Variants in PARD3B observed in about 807,000 individuals in gnomAD.
PARD3B encodes par-3 family cell polarity regulator beta, also known as partitioning defective 3 homolog B.
PARD3B carries 103 observed loss-of-function variants against 130.2 expected under a neutral mutation model. The observed-to-expected ratio is 0.79, with a 90% CI of 0.67 to 0.93. The LOEUF is 0.93. Among genes scored for constraint, PARD3B ranks in the 40% least tolerant of loss-of-function variants. The pLI is 0.00. For missense variants in PARD3B, 1,609 were observed against 1,499.2 expected, an observed-to-expected ratio of 1.07 and a Z score of -1.21; for synonymous variants, 583 against 553.2, an observed-to-expected ratio of 1.05 and a Z score of -0.76.
chr2:205,219,794 C>G (rs7569010), intron 15 of PARD3B, among the ~76,000 whole-genome samples: 83,372 of 151,954 alleles, frequency 0.55, 23,100 homozygotes, highest in Admixed American at 0.66. Flanking sequence ...ATAAGAAATA[C>G]CATGGAATGA....
In PARD3B at chr2:205,616,303, A is replaced by G. The variant is rs1194932065; in HGVS notation, c.*490A>G. On this transcript the variant is annotated 3_prime_UTR_variant, in exon 23 of 23. Coordinates refer to ENST00000406610, the MANE Select transcript of PARD3B (RefSeq NM_001302769.2). Reference sequence around the variant, plus strand: ...AAGTCTAAGGTGTGGCAGAGCAGACAGAGATAGAGGCATCTGAAGTGAGTA... The same window carrying G: ...AAGTCTAAGGTGTGGCAGAGCAGACGGAGATAGAGGCATCTGAAGTGAGTA... The G allele has an allele frequency of 6.4e-6, 1 of 155,280 alleles. No homozygotes were observed. Among genetic ancestry groups the G allele is most frequent in the African/African-American group, 2.4e-5 (1 of 41,546 alleles). 9.6% of individuals were successfully genotyped at this position (155,280 alleles called of 1,614,324 possible). A position where few individuals can be genotyped will look rare whatever the true frequency, so the allele number is the denominator to read the frequency against.
chr2:205,324,436 G>A (rs2042867156), intron 18 of PARD3B, among the ~76,000 whole-genome samples: 1 of 152,036 alleles, frequency 6.6e-6, no homozygotes, highest in African/African-American at 2.4e-5. Context: ...AAACAAGGAT[G>A]TCCTATTTGA....
chr2:205,054,841 C>T (rs1699534861), intron 4 of PARD3B, among the ~76,000 whole-genome samples: 1 of 152,086 alleles, frequency 6.6e-6, no homozygotes, highest in Non-Finnish European at 1.5e-5. Context: ...TAGCAGTCTG[C>T]AAGCATGTAT....
At chr2:205,211,238 A>G (rs574402626) in intron 15 of PARD3B, among the ~76,000 whole-genome samples, 1 of 152,216 alleles carries the variant, frequency 6.6e-6, no homozygotes, top group South Asian at 2.1e-4. Flanking sequence ...GCATCACCAT[A>G]AACACCTACT....
At chr2:204,759,435 T>C (rs2040810349) in intron 2 of PARD3B, among the ~76,000 whole-genome samples, 2 of 152,114 alleles carry the variant, frequency 1.3e-5, no homozygotes, top group African/African-American at 4.8e-5. Flanking sequence ...TACCATAATA[T>C]ACATATTTAA....
At chr2:204,713,148 C>T (rs1325060569) in intron 2 of PARD3B, among the ~76,000 whole-genome samples, 1 of 152,012 alleles carries the variant, frequency 6.6e-6, no homozygotes, top group Non-Finnish European at 1.5e-5. Flanking sequence ...CTTTATTCTT[C>T]AACACGCATG....
chr2:205,218,680 A>G (rs1197446756), intron 15 of PARD3B, among the ~76,000 whole-genome samples: 3 of 152,164 alleles, frequency 2.0e-5, no homozygotes, highest in African/African-American at 7.2e-5. Flanking sequence ...GCAGGAGAGA[A>G]CACACTATGG....
At chr2:205,143,741 G>T (rs1422611958) in intron 10 of PARD3B, among the ~76,000 whole-genome samples, 1 of 152,172 alleles carries the variant, frequency 6.6e-6, no homozygotes, top group South Asian at 2.1e-4. Context: ...CATGAACAGT[G>T]CAGGGATATG....
At position 205,558,768 on chromosome 2, in the gene PARD3B, G is replaced by A. The variant is rs537774527; in HGVS notation, c.3260+5365G>A. 3.9e-5 allele frequency among the ~76,000 whole-genome samples: 6 copies of A among 152,058 alleles called. No homozygotes were observed. The highest frequency in any genetic ancestry group is 1.9e-4 in the East Asian group (1 of 5,156). On this transcript the variant is annotated intron_variant, in intron 22 of 22. Coordinates refer to ENST00000406610, the MANE Select transcript of PARD3B (RefSeq NM_001302769.2). This position sits in a 1 kb window ranked among gnomAD's most constrained non-coding sequence, Gnocchi z 4.8. ...ATTCATGTCCCACTCTTGTGACCCC[G>A]TTTGATATACTCCTCCTTCTGCCTC...
intron 2 of PARD3B, among the ~76,000 whole-genome samples, chr2:204,809,227 G>T (rs1429878185): frequency 6.6e-6 from 1 of 152,014 alleles, no homozygotes; most frequent in African/African-American, 2.4e-5. Flanking sequence ...TCTGCAGGTT[G>T]TCTGTTTACT....
Position 205,125,763 on chromosome 2 carries a change from G to C in PARD3B, c.1434+26G>C. ...GTAATGTTCAGATCTCAGTCTCACT[G>C]AATTTTTAATGCCGAGCTTAATACA... On this transcript the variant is annotated intron_variant, in intron 10 of 22. Coordinates refer to ENST00000406610, the MANE Select transcript of PARD3B (RefSeq NM_001302769.2). The surrounding 1 kb of genome is among the most constrained non-coding windows in gnomAD (Gnocchi z 4.0). The C allele has an allele frequency of 6.2e-7, 1 of 1,612,096 alleles. No homozygotes were observed. The highest frequency in any genetic ancestry group is 8.5e-7 in the Non-Finnish European group (1 of 1,179,022).
At chr2:205,318,669 CA>C (rs2042642514) in intron 18 of PARD3B, among the ~76,000 whole-genome samples, 9 of 152,092 alleles carry the variant, frequency 5.9e-5, no homozygotes, top group Admixed American at 5.9e-4. Context: ...ATAGTTCTTG[CA>C]TTGTTAAAAA....
At chr2:205,344,004 G>A (rs1022179540) in intron 18 of PARD3B, among the ~76,000 whole-genome samples, 10 of 152,250 alleles carry the variant, frequency 6.6e-5, no homozygotes, top group African/African-American at 2.2e-4. Context: ...TCAACAGCAA[G>A]GAGGCTATTT....
intron 1 of PARD3B, among the ~76,000 whole-genome samples, chr2:204,634,322 C>G (rs1213889172): frequency 6.6e-6 from 1 of 152,182 alleles, no homozygotes; most frequent in Non-Finnish European, 1.5e-5. Context: ...ATAACAGGAT[C>G]TCATATTTTT....
chr2:205,118,366 C>G (rs2030165374), intron 6 of PARD3B, among the ~76,000 whole-genome samples: 1 of 152,204 alleles, frequency 6.6e-6, no homozygotes, highest in South Asian at 2.1e-4. Context: ...CCATCCTGAT[C>G]ACACAGGAAA....
chr2:205,162,787 C>T (rs897171291), intron 11 of PARD3B, among the ~76,000 whole-genome samples: 1 of 152,166 alleles, frequency 6.6e-6, no homozygotes, highest in Non-Finnish European at 1.5e-5. Context: ...CCTAAATCCA[C>T]ATCAAAATTT....
rs546157370 is a variant in PARD3B, at chr2:205,176,694, T to C, written c.1924+117T>C. On this transcript the variant is annotated intron_variant, in intron 13 of 22. Transcript: ENST00000406610. The surrounding 1 kb of genome is among the most constrained non-coding windows in gnomAD (Gnocchi z 5.3). ...AGTTAATTAGACTAAGTGCAGACTT[T>C]GTTACTCGGAGTCACAAACACTGAG... 8 of 1,154,832 alleles carry C rather than the reference T, an allele frequency of 6.9e-6. No homozygotes were observed. The East Asian group carries it at 1.1e-4, about 17-fold the overall frequency. The allele number at this position is 1,154,832 out of a possible 1,614,324, so 71.5% of individuals were successfully genotyped here.
rs536459050 is a variant in PARD3B, at chr2:204,786,301, T to C, written c.222+100019T>C. ...CATTCAGGAAATTCATGGTGTCTTT[T>C]ATGTAGACTTAATTTCCTACTCCTG... is the stretch of plus-strand genomic sequence containing the variant. On this transcript the variant is annotated intron_variant, in intron 2 of 22. Transcript: ENST00000406610. 1.8e-3 allele frequency among the ~76,000 whole-genome samples: 269 copies of C among 152,224 alleles called. 2 individuals are homozygous for C. The highest frequency in any genetic ancestry group is 6.3e-3 in the African/African-American group (262 of 41,542).
intron 18 of PARD3B, among the ~76,000 whole-genome samples, chr2:205,387,135 G>A (rs192927868): frequency 2.4e-3 from 371 of 152,238 alleles, no homozygotes; most frequent in African/African-American, 8.3e-3. Flanking sequence ...TATATACTAT[G>A]TGATTGGTTC....
Sources: gnomAD v4.1 joint callset for allele counts (sites outside exome capture counted in the v4.1 genomes callset) on GRCh38, gnomAD v4.1.1 for gene constraint, Gnocchi (gnomAD v3.1) non-coding constraint, MANE v1.5 for transcripts, NCBI Gene and HGNC (gene_info 2026-07-23, HGNC 2026-07-21) for gene names.